The following SETBP1 variants were observed in gnomAD, a reference collection of about 807,000 sequenced individuals.
SETBP1 encodes the protein SET binding protein 1.
In SETBP1, 9 loss-of-function variants were observed where a neutral mutation model predicts 101.0. That is an observed-to-expected ratio of 0.09 (90% CI 0.05 to 0.16). The LOEUF (loss-of-function observed/expected upper bound fraction) is 0.16. SETBP1 is among the 10% of genes least tolerant of loss of function. The pLI is 1.00. For missense variants in SETBP1, 1,858 were observed against 2,033.8 expected (o/e 0.91, Z 1.66); for synonymous variants, 818 against 788.5 (o/e 1.04, Z -0.63).
At chr18:44,988,150 T>C (rs544580971) in intron 4 of SETBP1, 1 of 152,198 alleles carries the variant, frequency 6.6e-6, no homozygotes, top group East Asian at 1.9e-4. Context: ...GACACAAATA[T>C]CATGTTTAAA....
intron 2 of SETBP1, among the ~76,000 whole-genome samples, chr18:44,860,986 A>C (rs1197582141): frequency 6.6e-6 from 1 of 152,170 alleles, no homozygotes; most frequent in African/African-American, 2.4e-5. Flanking sequence ...CTTCTCTGTT[A>C]AAATATGGAT....
At chr18:45,031,828 G>C (rs1420671186) in intron 4 of SETBP1, among the ~76,000 whole-genome samples, 4 of 152,180 alleles carry the variant, frequency 2.6e-5, no homozygotes, top group African/African-American at 9.6e-5. Context: ...ACAGAAGTAT[G>C]TTCAGGATGG....
chr18:44,980,319 C>T (rs1000499027), intron 4 of SETBP1, among the ~76,000 whole-genome samples: 1 of 151,994 alleles, frequency 6.6e-6, no homozygotes, highest in Non-Finnish European at 1.5e-5. Context: ...TTACAACTTG[C>T]GTCTTGTCAC....
intron 2 of SETBP1, among the ~76,000 whole-genome samples, chr18:44,711,740 G>A (rs1341442764): frequency 7.8e-6 from 1 of 127,732 alleles, no homozygotes; most frequent in African/African-American, 3.0e-5. Context: ...GATAGGTCTT[G>A]CTATGTTGCC....
chr18:44,947,737 C>T (rs778061044), intron 3 of SETBP1, among the ~76,000 whole-genome samples: 4 of 152,130 alleles, frequency 2.6e-5, no homozygotes, highest in African/African-American at 4.8e-5. Flanking sequence ...AACGCCCGAC[C>T]TCAGGTGATC....
chr18:44,925,061 G>A (rs1293706237), intron 3 of SETBP1, among the ~76,000 whole-genome samples: 1 of 143,076 alleles, frequency 7.0e-6, no homozygotes, highest in Non-Finnish European at 1.5e-5. Flanking sequence ...AATTTTCCAG[G>A]GCTCGTTTAA....
chr18:45,054,348 C>A (rs1022476713), intron 5 of SETBP1, among the ~76,000 whole-genome samples: 1 of 152,186 alleles, frequency 6.6e-6, no homozygotes, highest in South Asian at 2.1e-4. Context: ...CCACCACACC[C>A]GGCTACTTTT....
At chr18:44,979,562 T>A (rs1316744445) in intron 4 of SETBP1, among the ~76,000 whole-genome samples, 1 of 152,248 alleles carries the variant, frequency 6.6e-6, no homozygotes, top group African/African-American at 2.4e-5. Context: ...TCTACTGGGA[T>A]ACAGGGGTAA....
At chr18:44,760,516 C>T (rs925376766) in intron 2 of SETBP1, among the ~76,000 whole-genome samples, 1 of 152,186 alleles carries the variant, frequency 6.6e-6, no homozygotes, top group Non-Finnish European at 1.5e-5. Flanking sequence ...TTGACTGAAG[C>T]CCAGTGCATT....
rs2145110964 is a variant in SETBP1 at position 44,952,569 on chromosome 18, C to T, written c.3229C>T (p.His1077Tyr). ...GQYPAPLYLS[H>Y]TLGAASPFMR... ...GTACCCAGCTCCTTTGTACCTATCG[C>T]ACACGCTTGGAGCAGCTTCCCCATT... Residue 1077 changes from histidine (H) to tyrosine (Y), a missense_variant, in exon 4 of 6, where the codon CAC (histidine) becomes TAC (tyrosine). By Grantham distance (83) the His-to-Tyr change is moderately conservative. This residue lies in a region of SETBP1 where 255 missense variants were observed against 300.1 expected (regional missense o/e 0.85). Transcript: ENST00000649279. The T allele has an allele frequency of 6.2e-7, 1 of 1,614,116 alleles. No individual in the cohort carries two copies. Among genetic ancestry groups the T allele is most frequent in the Non-Finnish European group, 8.5e-7 (1 of 1,180,008 alleles).
At chr18:44,801,202 G>T (rs999367321) in intron 2 of SETBP1, among the ~76,000 whole-genome samples, 1 of 152,016 alleles carries the variant, frequency 6.6e-6, no homozygotes, top group Non-Finnish European at 1.5e-5. Context: ...AATGGGTGCA[G>T]CACACCAACA....
At chr18:44,768,237 T>G (rs546957333) in intron 2 of SETBP1, among the ~76,000 whole-genome samples, 1 of 152,346 alleles carries the variant, frequency 6.6e-6, no homozygotes, top group East Asian at 1.9e-4. Context: ...AGGAATCTGT[T>G]CTTCTGACCC....
chr18:45,027,728 A>G (rs2073197496), intron 4 of SETBP1, among the ~76,000 whole-genome samples: 1 of 152,204 alleles, frequency 6.6e-6, no homozygotes, highest in Non-Finnish European at 1.5e-5. Flanking sequence ...CACGTGCGTT[A>G]GTTTTCTCTT....
intron 3 of SETBP1, among the ~76,000 whole-genome samples, chr18:44,930,410 G>T (rs941871013): frequency 6.6e-6 from 1 of 152,040 alleles, no homozygotes; most frequent in African/African-American, 2.4e-5. Context: ...TTTTTGTTGT[G>T]TCTCTGCCAG....
At chr18:45,045,898 T>C (rs1389896913) in intron 5 of SETBP1, among the ~76,000 whole-genome samples, 1 of 152,072 alleles carries the variant, frequency 6.6e-6, no homozygotes, top group Non-Finnish European at 1.5e-5. Flanking sequence ...CTTTTTTATC[T>C]TTTTCCCCCT....
At chr18:45,034,045 T>C (rs1028970871) in intron 4 of SETBP1, among the ~76,000 whole-genome samples, 2 of 152,144 alleles carry the variant, frequency 1.3e-5, no homozygotes, top group African/African-American at 4.8e-5. Context: ...GTGAGGCTGG[T>C]TTTTATTATC....
intron 2 of SETBP1, among the ~76,000 whole-genome samples, chr18:44,768,546 A>G (rs2070808036): frequency 1.3e-5 from 2 of 152,224 alleles, no homozygotes; most frequent in African/African-American, 4.8e-5. Flanking sequence ...AAGTTGTTCC[A>G]TTAAGGATCT....
Position 44,705,642 on chromosome 18 carries a change from T to C in SETBP1, c.486+3810T>C, listed in dbSNP as rs191066822. On this transcript the variant is annotated intron_variant, in intron 2 of 5. Transcript: ENST00000649279. ...GGATCCCAAATGATTTTCGTTTTCA[T>C]TGGTGTTTGAAAAGAAAGCTCTGTG... is the stretch of plus-strand genomic sequence containing the variant. Among the ~76,000 whole-genome samples the C allele has an allele frequency of 3.3e-5, 5 of 152,280 alleles. No homozygotes were observed. In the East Asian group the frequency reaches 5.8e-4, roughly 18 times the overall value.
At chr18:44,962,500 T>G (rs908097649) in intron 4 of SETBP1, among the ~76,000 whole-genome samples, 1 of 152,100 alleles carries the variant, frequency 6.6e-6, no homozygotes, top group African/African-American at 2.4e-5. Context: ...CCAAGAAACA[T>G]GCCTGTCCTC....
Sources: allele counts gnomAD v4.1 joint callset (sites outside exome capture counted in the v4.1 genomes callset), GRCh38; gene constraint gnomAD v4.1.1; regional missense constraint gnomAD v4.1.1; transcripts MANE v1.5; gene names NCBI Gene and HGNC (gene_info 2026-07-23, HGNC 2026-07-21).